ASAP1: variants seen among roughly 807,000 people sequenced by gnomAD.
The protein encoded by ASAP1 is arf-GAP with SH3 domain, ANK repeat and PH domain-containing protein 1.
Under a neutral mutation model 145.2 loss-of-function variants are expected in ASAP1, and 43 were observed. The ratio of observed to expected loss-of-function variants is 0.30; its 90% CI spans 0.23 to 0.38. The LOEUF is 0.38. Among genes scored for constraint, ASAP1 ranks in the 10% least tolerant of loss-of-function variants. ASAP1 has a pLI of 1.00. For missense variants in ASAP1, 1,018 were observed against 1,355.3 expected (o/e 0.75, Z 3.91); for synonymous variants, 546 against 515.5 (o/e 1.06, Z -0.80).
At chr8:130,145,763 A>G (rs1314232025) in intron 13 of ASAP1, among the ~76,000 whole-genome samples, 2 of 152,196 alleles carry the variant, frequency 1.3e-5, no homozygotes, top group Non-Finnish European at 2.9e-5. Context: ...AGAGATGTGG[A>G]AAATAAGGCA....
intron 7 of ASAP1, among the ~76,000 whole-genome samples, chr8:130,185,377 A>G (rs1210385842): frequency 6.6e-6 from 1 of 152,206 alleles, no homozygotes; most frequent in African/African-American, 2.4e-5. Flanking sequence ...ATAACACCAT[A>G]TATAAGAATA....
intron 3 of ASAP1, among the ~76,000 whole-genome samples, chr8:130,268,165 G>A (rs957607321): frequency 6.6e-6 from 1 of 152,094 alleles, no homozygotes; most frequent in Non-Finnish European, 1.5e-5. Flanking sequence ...ATCTCTATAT[G>A]ATGATATTAT....
intron 22 of ASAP1, 29 bp downstream of exon 22, chr8:130,116,649 A>G (rs554911293): frequency 1.9e-6 from 3 of 1,600,430 alleles, no homozygotes; most frequent in East Asian, 2.2e-5. Context: ...CCAATGTCTA[A>G]TAAATCTCCC....
intron 3 of ASAP1, among the ~76,000 whole-genome samples, chr8:130,332,916 GT>G (rs398009912): frequency 2.9e-4 from 43 of 148,578 alleles, no homozygotes; most frequent in Admixed American, 1.0e-3. Context: ...TAAAAAAGAA[GT>G]TTTTTTTTTT....
Position 130,363,190 on chromosome 8 carries a change from C to A in ASAP1, c.60-5047G>T, listed in dbSNP as rs915906049. Among the ~76,000 whole-genome samples the A allele has an allele frequency of 2.6e-5, 4 of 152,028 alleles. No homozygotes were observed. The South Asian group carries it at 8.3e-4, about 32-fold the overall frequency. On this transcript the variant is annotated intron_variant, in intron 2 of 29. Transcript: ENST00000518721. ...CATCCTAAGTAGACAATTATTTTTC[C>A]GATATTATGGGAACTTTGAAAACCT... is the stretch of plus-strand genomic sequence containing the variant.
At chr8:130,309,999 G>A (rs537430893) in intron 3 of ASAP1, among the ~76,000 whole-genome samples, 13 of 152,112 alleles carry the variant, frequency 8.5e-5, no homozygotes, top group African/African-American at 2.2e-4. Flanking sequence ...TTTCTAAATC[G>A]TAATATCCCA....
intron 5 of ASAP1, among the ~76,000 whole-genome samples, chr8:130,201,987 G>A (rs1245070652): frequency 6.6e-6 from 1 of 152,102 alleles, no homozygotes; most frequent in African/African-American, 2.4e-5. Context: ...GGCTTACCAC[G>A]TACTAGGGTG....
At chr8:130,286,636 G>A (rs1821631259) in intron 3 of ASAP1, among the ~76,000 whole-genome samples, 1 of 152,122 alleles carries the variant, frequency 6.6e-6, no homozygotes, top group Admixed American at 6.5e-5. Flanking sequence ...AAAGCACTAA[G>A]AACAGTGCCT....
chr8:130,292,444 A>C (rs1822005482), intron 3 of ASAP1, among the ~76,000 whole-genome samples: 1 of 152,220 alleles, frequency 6.6e-6, no homozygotes, highest in Admixed American at 6.5e-5. Context: ...TTTACAAAGC[A>C]GGGGTCCTTT....
At chr8:130,402,991 C>A (rs1417302430) in intron 1 of ASAP1, among the ~76,000 whole-genome samples, 1 of 151,706 alleles carries the variant, frequency 6.6e-6, no homozygotes, top group African/African-American at 2.4e-5. Context: ...GTATCATATA[C>A]CCCCTGAACC....
At chr8:130,169,103 T>TTAA in intron 9 of ASAP1, 36 bp from the exon 10 acceptor site, 6 of 1,058,788 alleles carry the variant, frequency 5.7e-6, no homozygotes, top group South Asian at 1.6e-5. Flanking sequence ...ACCACCAGTA[T>TTAA]AAAAAAAAAA....
chr8:130,060,518 TCCC>T, intron 28 of ASAP1, 58 bp downstream of exon 28: 1 of 1,526,068 alleles, frequency 6.6e-7, no homozygotes, highest in East Asian at 2.3e-5. Context: ...GCACCTGCCC[TCCC>T]ACCAACTTGC....
chr8:130,118,111 A>AT, intron 20 of ASAP1, 50 bp downstream of exon 20: 2 of 1,501,094 alleles, frequency 1.3e-6, no homozygotes, highest in Non-Finnish European at 1.9e-6. Context: ...GGTTTGTGTT[A>AT]ATTTATAAGG....
intron 4 of ASAP1, among the ~76,000 whole-genome samples, chr8:130,222,049 T>C (rs569836695): frequency 6.6e-6 from 1 of 152,354 alleles, no homozygotes; most frequent in South Asian, 2.1e-4. Context: ...AGCCAGCCTT[T>C]TACCCCGTGG....
At chr8:130,257,775 G>A (rs919846263) in intron 3 of ASAP1, among the ~76,000 whole-genome samples, 1 of 127,478 alleles carries the variant, frequency 7.8e-6, no homozygotes, top group Non-Finnish European at 1.7e-5. Flanking sequence ...AACTGATTTG[G>A]ACTCAAGAGC....
chr8:130,115,755 T>A lies in ASAP1; in HGVS notation c.2065-20A>T, dbSNP rs762750170. 6.5e-7 allele frequency: 1 copy of A among 1,537,228 alleles called. No individual in the cohort carries two copies. The highest frequency in any genetic ancestry group is 9.0e-7 in the Non-Finnish European group (1 of 1,112,628). On this transcript the variant is annotated intron_variant, in intron 22 of 29. Coordinates refer to ENST00000518721, the MANE Select transcript of ASAP1 (RefSeq NM_018482.4). Reference sequence around the variant, plus strand: ...GGAAAGCTGGAAGGAACAGCAAATGTGCACCATTTTAATTTAAATGCTGAA... The same window carrying A: ...GGAAAGCTGGAAGGAACAGCAAATGAGCACCATTTTAATTTAAATGCTGAA...
chr8:130,143,053 A>G (rs931349665), intron 13 of ASAP1, among the ~76,000 whole-genome samples: 2 of 152,234 alleles, frequency 1.3e-5, no homozygotes, highest in Admixed American at 6.5e-5. Context: ...TTCCACAAGT[A>G]ATCATTACCT....
chr8:130,291,068 T>C (rs1821916102), intron 3 of ASAP1, among the ~76,000 whole-genome samples: 1 of 152,226 alleles, frequency 6.6e-6, no homozygotes, highest in South Asian at 2.1e-4. Flanking sequence ...ACTTTTCCCC[T>C]GAGGCTTGCC....
At chr8:130,237,713 T>C (rs1029983510) in intron 3 of ASAP1, among the ~76,000 whole-genome samples, 2 of 152,070 alleles carry the variant, frequency 1.3e-5, no homozygotes, top group Non-Finnish European at 2.9e-5. Flanking sequence ...GGATATACCA[T>C]TGTGTTTAGT....
Sources: allele counts gnomAD v4.1 joint callset (sites outside exome capture counted in the v4.1 genomes callset), GRCh38; gene constraint gnomAD v4.1.1; transcripts MANE v1.5; gene names NCBI Gene and HGNC (gene_info 2026-07-23, HGNC 2026-07-21).